Variants in KHDC1 observed in about 807,000 individuals in gnomAD.
KHDC1 encodes KH domain containing 1.
In KHDC1, 21 loss-of-function variants were observed where a neutral mutation model predicts 24.7. The ratio of observed to expected loss-of-function variants is 0.85; its 90% CI spans 0.60 to 1.23. The LOEUF (loss-of-function observed/expected upper bound fraction) is 1.23. Ranked by LOEUF, KHDC1 falls within the 50% of genes most tolerant of loss-of-function variation. The probability of loss-of-function intolerance (pLI) is 0.00; values close to 1 mark genes in which losing one functional copy is unlikely to be tolerated. For synonymous variants in KHDC1, 98 were observed against 111.7 expected (o/e 0.88, Z 0.77); for missense variants, 274 against 298.5 (o/e 0.92, Z 0.61).
intron 2 of KHDC1, among the ~76,000 whole-genome samples, chr6:73,259,280 C>CTTTTTTTTTTTTTTTTGT (rs1766936197): frequency 1.4e-5 from 1 of 73,238 alleles, no homozygotes; most frequent in Non-Finnish European, 2.4e-5. Context: ...ATCCAATATG[C>CTTTTTTTTTTTTTTTTGT]TTTTTTTTTT....
At chr6:73,284,574 G>C (rs1767484074) in intron 2 of KHDC1, 1 of 151,980 alleles carries the variant, frequency 6.6e-6, no homozygotes, top group Non-Finnish European at 1.5e-5. Flanking sequence ...CTGTCTCTCT[G>C]CTTGGCTGGC....
exon 3 of KHDC1, chr6:73,242,414 A>G (rs1273675337): frequency 6.2e-7 from 1 of 1,614,142 alleles, no homozygotes; most frequent in East Asian, 2.2e-5. Context: ...ACCGAAGATG[A>G]GCTCCTCCTG....
At chr6:73,287,842 A>G (rs543219277) in intron 2 of KHDC1, among the ~76,000 whole-genome samples, 78 of 152,310 alleles carry the variant, frequency 5.1e-4, no homozygotes, top group African/African-American at 1.8e-3. Context: ...CACTGGGTCC[A>G]TAACCCACCT....
intron 2 of KHDC1, among the ~76,000 whole-genome samples, chr6:73,271,477 G>A (rs940446476): frequency 5.3e-5 from 8 of 151,646 alleles, no homozygotes; most frequent in Non-Finnish European, 1.2e-4. Context: ...AAAGTGCTGG[G>A]ATTACAGGCG....
intron 1 of KHDC1, among the ~76,000 whole-genome samples, chr6:73,302,147 G>C (rs759615180): frequency 3.3e-5 from 5 of 152,054 alleles, no homozygotes; most frequent in Admixed American, 6.6e-5. Context: ...AAATTAACTG[G>C]ACATGGTGGC....
At chr6:73,256,132 A>C (rs1208005253) in intron 2 of KHDC1, among the ~76,000 whole-genome samples, 1 of 152,110 alleles carries the variant, frequency 6.6e-6, no homozygotes. Flanking sequence ...GTAATTTCGA[A>C]TGTGCTTCAC....
At chr6:73,243,031 C>T (rs1766603076) in intron 2 of KHDC1, among the ~76,000 whole-genome samples, 1 of 151,984 alleles carries the variant, frequency 6.6e-6, no homozygotes, top group African/African-American at 2.4e-5. Context: ...TTGTAGGGAG[C>T]CAATCGTAGG....
intron 1 of KHDC1, among the ~76,000 whole-genome samples, chr6:73,304,946 T>C (rs1037291029): frequency 8.5e-5 from 13 of 152,104 alleles, no homozygotes; most frequent in Non-Finnish European, 4.4e-5. Context: ...AGTATTAAAA[T>C]AAGTATAGAA....
chr6:73,275,474 G>C, intron 2 of KHDC1: 1 of 167,224 alleles, frequency 6.0e-6, no homozygotes. Flanking sequence ...TCCCGGAAAG[G>C]GACTCCTTTT....
chr6:73,248,894 A>G (rs2150554563), intron 2 of KHDC1, among the ~76,000 whole-genome samples: 1 of 152,122 alleles, frequency 6.6e-6, no homozygotes. Context: ...AATTACAAAT[A>G]AATTATTACA....
At chr6:73,278,887 A>T (rs1373645933) in intron 2 of KHDC1, among the ~76,000 whole-genome samples, 1 of 152,230 alleles carries the variant, frequency 6.6e-6, no homozygotes, top group Non-Finnish European at 1.5e-5. Context: ...AGATGAGGAC[A>T]GTGTGAGAAC....
At position 73,271,207 on chromosome 6, in the gene KHDC1, T is replaced by TTTG. The variant is rs757732615; in HGVS notation, c.206+20788_206+20790dup. ...ATGATGTAAAATGTTTTGGTTTTTT[T>TTTG]TTGTTGTTGTTGTTGGGGGGGACAG... On this transcript the variant is annotated intron_variant, in intron 2 of 4. Coordinates refer to ENST00000370384, the Ensembl canonical transcript of KHDC1. Among the ~76,000 whole-genome samples the TTTG allele has an allele frequency of 3.8e-3, 575 of 152,010 alleles. 4 individuals carry two copies. The highest frequency in any genetic ancestry group is 7.2e-3 in the Non-Finnish European group (491 of 67,978).
chr6:73,309,569 CA>C lies in KHDC1; in HGVS notation c.145del (p.Trp49GlyfsTer94). 6.6e-7 allele frequency: 1 copy of C among 1,525,486 alleles called. No homozygotes were observed. Among genetic ancestry groups the C allele is most frequent in the Non-Finnish European group, 8.8e-7 (1 of 1,136,480 alleles). 94.5% of individuals were successfully genotyped at this position (1,525,486 alleles called of 1,614,324 possible). A position where few individuals can be genotyped will look rare whatever the true frequency, so the allele number is the denominator to read the frequency against. ...CCACTCACCTCGATTTCTGCGGATC[CA>C]AAGGTGGAAAGACACTGTCCCGATC... On this transcript the variant is annotated frameshift_variant, in exon 1 of 5. Transcript: ENST00000370384. LOFTEE classifies it high-confidence loss of function.
At chr6:73,246,983 T>C (rs1338610806) in intron 2 of KHDC1, among the ~76,000 whole-genome samples, 1 of 151,922 alleles carries the variant, frequency 6.6e-6, no homozygotes, top group Non-Finnish European at 1.5e-5. Context: ...CTTTTTTTTT[T>C]CTGTTTTTTT....
chr6:73,293,177 T>C, intron 1 of KHDC1: 1 of 726,654 alleles, frequency 1.4e-6, no homozygotes. Flanking sequence ...AGCCTTTCTT[T>C]TAGAAGCTAG....
intron 2 of KHDC1, 85 bp from the exon 1 acceptor site, chr6:73,263,281 C>A (rs1166584090): frequency 2.0e-6 from 2 of 985,512 alleles, no homozygotes; most frequent in East Asian, 1.1e-4. Flanking sequence ...TAGGAGACAG[C>A]CTGCGGAGCC....
At chr6:73,293,330 A>G in intron 1 of KHDC1, 1 of 524,446 alleles carries the variant, frequency 1.9e-6, no homozygotes, top group Admixed American at 3.0e-5. Context: ...ATGAAATAAT[A>G]AAACTATTAT....
At chr6:73,247,002 A>T (rs1390202255) in intron 2 of KHDC1, among the ~76,000 whole-genome samples, 2 of 150,368 alleles carry the variant, frequency 1.3e-5, no homozygotes, top group Non-Finnish European at 3.0e-5. Flanking sequence ...TTTGAGACAG[A>T]GTTTTGCTAT....
intron 2 of KHDC1, among the ~76,000 whole-genome samples, chr6:73,259,079 G>C (rs756699345): frequency 6.6e-6 from 1 of 152,202 alleles, no homozygotes; most frequent in African/African-American, 2.4e-5. Context: ...CCTGGGGCCT[G>C]CTTCTTCCTA....
Sources: allele counts gnomAD v4.1 joint callset (sites outside exome capture counted in the v4.1 genomes callset), GRCh38; gene constraint gnomAD v4.1.1; transcripts MANE v1.5; gene names NCBI Gene and HGNC (gene_info 2026-07-23, HGNC 2026-07-21).